CYYR1: variants seen among roughly 807,000 people sequenced by gnomAD.
The protein encoded by CYYR1 is cysteine and tyrosine rich 1, also known as cysteine and tyrosine-rich protein 1.
Under a neutral mutation model 15.2 loss-of-function variants are expected in CYYR1, and 14 were observed. The observed-to-expected ratio is 0.92, with a 90% CI of 0.61 to 1.44. The LOEUF is 1.44. CYYR1 is among the 40% of genes most tolerant of loss of function. CYYR1 has a pLI of 0.00. For missense variants in CYYR1, 228 were observed against 209.5 expected (o/e 1.09, Z -0.54); for synonymous variants, 80 against 77.4 (o/e 1.03, Z -0.18).
intron 1 of CYYR1, 33 bp downstream of exon 1, chr21:26,572,835 C>T: frequency 6.2e-7 from 1 of 1,611,700 alleles, no homozygotes; most frequent in Non-Finnish European, 8.5e-7. Flanking sequence ...AGCCCCGAGC[C>T]TCTGACCCTC....
chr21:26,501,421 T>A (rs1474119349), intron 2 of CYYR1, among the ~76,000 whole-genome samples: 1 of 152,198 alleles, frequency 6.6e-6, no homozygotes, highest in Non-Finnish European at 1.5e-5. Flanking sequence ...AAATTTAAGA[T>A]AGACAAATCA....
chr21:26,528,803 T>G (rs1478972535), intron 2 of CYYR1, among the ~76,000 whole-genome samples: 1 of 152,194 alleles, frequency 6.6e-6, no homozygotes, highest in Non-Finnish European at 1.5e-5. Flanking sequence ...GAAATCAATT[T>G]GACCTACAGT....
chr21:26,568,375 CT>C (rs977797428), intron 1 of CYYR1: 3 of 152,136 alleles, frequency 2.0e-5, no homozygotes, highest in Non-Finnish European at 4.4e-5. Flanking sequence ...GGACTCCCTA[CT>C]CAATAAATGG....
intron 2 of CYYR1, among the ~76,000 whole-genome samples, chr21:26,514,291 G>A (rs1328799950): frequency 6.6e-6 from 1 of 152,124 alleles, no homozygotes; most frequent in Non-Finnish European, 1.5e-5. Flanking sequence ...GAGCCTAATG[G>A]GAGGTGTTTT....
rs1979178180 is a variant in CYYR1 at position 26,548,955 on chromosome 21, T to C, written c.176+17311A>G. ...AAGACATTTATAAGCTTGAATGTGA[T>C]TTAAGACAGGAATACATGATAAATA... On this transcript the variant is annotated intron_variant, in intron 2 of 3. Transcript: ENST00000652641. Among the ~76,000 whole-genome samples the C allele has an allele frequency of 2.0e-5, 3 of 152,226 alleles. No homozygotes were observed. In the South Asian group the frequency reaches 6.2e-4, roughly 32 times the overall value.
intron 2 of CYYR1, among the ~76,000 whole-genome samples, chr21:26,553,654 A>G (rs1979555871): frequency 6.6e-6 from 1 of 152,182 alleles, no homozygotes. Context: ...ACCTGCTAGT[A>G]TTTACTTTCC....
chr21:26,535,781 C>T (rs1601803956), intron 2 of CYYR1, among the ~76,000 whole-genome samples: 1 of 152,096 alleles, frequency 6.6e-6, no homozygotes, highest in Admixed American at 6.5e-5. Flanking sequence ...CTATCAGGCT[C>T]AAGAGTGGAG....
At chr21:26,547,832 A>T (rs1414120884) in intron 2 of CYYR1, among the ~76,000 whole-genome samples, 2 of 151,620 alleles carry the variant, frequency 1.3e-5, no homozygotes, top group Non-Finnish European at 2.9e-5. Context: ...CCTCGATTTC[A>T]ACCAATACAA....
intron 2 of CYYR1, among the ~76,000 whole-genome samples, chr21:26,526,009 C>T (rs1234798471): frequency 6.6e-6 from 1 of 151,552 alleles, no homozygotes; most frequent in Non-Finnish European, 1.5e-5. Flanking sequence ...ACACTGGGGG[C>T]CTTTTGGAGG....
chr21:26,493,748 A>C (rs1418493710), intron 2 of CYYR1, among the ~76,000 whole-genome samples: 1 of 152,212 alleles, frequency 6.6e-6, no homozygotes, highest in Non-Finnish European at 1.5e-5. Flanking sequence ...GATCAGGCCC[A>C]GAAAGGTATC....
chr21:26,477,126 T>A (rs1413471975), intron 3 of CYYR1, among the ~76,000 whole-genome samples: 2 of 152,158 alleles, frequency 1.3e-5, no homozygotes, highest in African/African-American at 4.8e-5. Flanking sequence ...TAAATTATGC[T>A]CTCTGCATTT....
At chr21:26,477,587 T>C (rs923949699) in intron 3 of CYYR1, 10 of 428,562 alleles carry the variant, frequency 2.3e-5, no homozygotes, top group Non-Finnish European at 2.8e-5. Context: ...TGACATTTAG[T>C]ATTTTCTAAC....
chr21:26,523,616 G>A (rs1253207655), intron 2 of CYYR1, among the ~76,000 whole-genome samples: 1 of 152,150 alleles, frequency 6.6e-6, no homozygotes, highest in African/African-American at 2.4e-5. Flanking sequence ...CCACTCCAGT[G>A]TTCTTCCTGT....
chr21:26,469,167 G>A (rs928434508), intron 3 of CYYR1, among the ~76,000 whole-genome samples: 1 of 152,198 alleles, frequency 6.6e-6, no homozygotes, highest in Non-Finnish European at 1.5e-5. Flanking sequence ...TGTGAGGGAT[G>A]ATAAGGGACT....
In CYYR1 at chr21:26,468,272, C is replaced by A; in HGVS notation, c.*229G>T. ...CCCTGAATGTGCTTAGGTGGATCAG[C>A]AGATCTCTTAAAATGTGGTTCCATA... On this transcript the variant is annotated 3_prime_UTR_variant, in exon 4 of 4. Transcript: ENST00000652641. 1.8e-6 allele frequency: 1 copy of A among 545,658 alleles called. No individual in the cohort carries two copies. Among genetic ancestry groups the A allele is most frequent in the Non-Finnish European group, 3.3e-6 (1 of 301,388 alleles). The allele number at this position is 545,658 out of a possible 1,614,324, so 33.8% of individuals were successfully genotyped here.
chr21:26,477,085 A>AG (rs1244627764), intron 3 of CYYR1, among the ~76,000 whole-genome samples: 1 of 152,120 alleles, frequency 6.6e-6, no homozygotes, highest in Non-Finnish European at 1.5e-5. Flanking sequence ...TGTTCACTCT[A>AG]GGGCTCCCCA....
chr21:26,527,470 C>CA (rs1001657705), intron 2 of CYYR1, among the ~76,000 whole-genome samples: 19 of 151,360 alleles, frequency 1.3e-4, no homozygotes, highest in Non-Finnish European at 2.4e-4. Context: ...AGAAAGCCAA[C>CA]AAAAAAAATG....
chr21:26,503,673 A>G (rs1158092642), intron 2 of CYYR1: 1 of 152,224 alleles, frequency 6.6e-6, no homozygotes, highest in Non-Finnish European at 1.5e-5. Flanking sequence ...TCTAATGAAC[A>G]GCTGACAGAA....
At chr21:26,501,582 A>C (rs1474495400) in intron 2 of CYYR1, among the ~76,000 whole-genome samples, 1 of 152,190 alleles carries the variant, frequency 6.6e-6, no homozygotes, top group East Asian at 1.9e-4. Context: ...AGAACTGAAA[A>C]CTGGAATTGA....
Sources: allele counts gnomAD v4.1 joint callset (sites outside exome capture counted in the v4.1 genomes callset), GRCh38; gene constraint gnomAD v4.1.1; transcripts MANE v1.5; gene names NCBI Gene and HGNC (gene_info 2026-07-23, HGNC 2026-07-21).